The following CD1D variants were observed in gnomAD, a reference collection of about 807,000 sequenced individuals.
CD1D encodes the protein CD1d molecule, also known as antigen-presenting glycoprotein CD1d.
A neutral mutation model predicts 42.1 loss-of-function variants in CD1D; 40 were observed. The ratio of observed to expected loss-of-function variants is 0.95; its 90% CI spans 0.74 to 1.24. The LOEUF (loss-of-function observed/expected upper bound fraction) is 1.24, where lower values mean the gene tolerates loss of function less well. Ranked by LOEUF, CD1D falls within the 50% of genes most tolerant of loss-of-function variation. The probability of loss-of-function intolerance (pLI) is 0.00; values close to 1 mark genes in which losing one functional copy is unlikely to be tolerated. For missense variants in CD1D, 437 were observed against 416.5 expected, an observed-to-expected ratio of 1.05 and a Z score of -0.43; for synonymous variants, 178 against 171.8, an observed-to-expected ratio of 1.04 and a Z score of -0.28.
chr1:158,181,987 A>G (rs753238788), intron 2 of CD1D, 45 bp from the exon 3 acceptor site: 10 of 1,540,648 alleles, frequency 6.5e-6, no homozygotes, highest in African/African-American at 2.8e-5. Flanking sequence ...CATCTCTCCC[A>G]GTCTTTTAAA....
At chr1:158,183,795 T>G (rs1648572212) in intron 4 of CD1D, 141 bp from the exon 5 acceptor site, 1 of 717,336 alleles carries the variant, frequency 1.4e-6, no homozygotes, top group Non-Finnish European at 2.5e-6. Context: ...AATCTAAACT[T>G]ATGAGGAATA....
chr1:158,184,108 T>A, intron 5 of CD1D, 21 bp from the exon 6 acceptor site: 1 of 1,614,134 alleles, frequency 6.2e-7, no homozygotes, highest in South Asian at 1.1e-5. Context: ...TAATGGTCTT[T>A]CCCTTTCTAT....
rs756936889 is a variant in CD1D, at chr1:158,182,002, T to G, written c.329-30T>G. ...CATCTCTCCCAGTCTTTTAAACCCT[T>G]CTTTGATCTTTCTCCATTCCTCTCC... On this transcript the variant is annotated intron_variant, in intron 2 of 5. Coordinates refer to ENST00000674085, the MANE Select transcript of CD1D (RefSeq NM_001371762.2). The G allele has an allele frequency of 5.8e-6, 9 of 1,562,918 alleles. No individual in the cohort carries two copies. The African/African-American group carries it at 9.6e-5, about 17-fold the overall frequency.
In CD1D at chr1:158,183,996, T is replaced by A. The variant is rs1648586791; in HGVS notation, c.947T>A (p.Leu316His). 1 of 1,614,072 alleles carries A rather than the reference T, an allele frequency of 6.2e-7. No individual in the cohort carries two copies. Among genetic ancestry groups the A allele is most frequent in the Non-Finnish European group, 8.5e-7 (1 of 1,180,030 alleles). Residue 316 changes from leucine to histidine, a missense_variant, in exon 5 of 6, where the codon CTC (leucine) becomes CAC (histidine). By Grantham distance (99) the Leu-to-His change is moderately conservative. Transcript: ENST00000674085. ...ALAVLACLLF[L>H]LIVGFTSRFK... ...GCAGTCCTGGCGTGCTTGCTGTTCCTCCTCATTGTGGGCTTTACCTCCCGG... is the reference window on the plus strand; with the variant it reads ...GCAGTCCTGGCGTGCTTGCTGTTCCACCTCATTGTGGGCTTTACCTCCCGG...
rs1353496711 is a variant in CD1D at position 158,181,065 on chromosome 1, C to G, written c.-37C>G. 4 of 1,521,462 alleles carry G rather than the reference C, an allele frequency of 2.6e-6. No homozygotes were observed. The East Asian group carries it at 9.8e-5, about 37-fold the overall frequency. 94.2% of individuals were successfully genotyped at this position (1,521,462 alleles called of 1,614,324 possible). A position where few individuals can be genotyped will look rare whatever the true frequency, so the allele number is the denominator to read the frequency against. On this transcript the variant is annotated 5_prime_UTR_variant, in exon 1 of 6. Coordinates refer to ENST00000674085, the MANE Select transcript of CD1D (RefSeq NM_001371762.2). ...AGAGTGCGCAGGTCAGAGGGCGGCGCGCAGCGGCGCTCCGCGAGGTCCCCA... is the reference window on the plus strand; with the variant it reads ...AGAGTGCGCAGGTCAGAGGGCGGCGGGCAGCGGCGCTCCGCGAGGTCCCCA...
At chr1:158,181,759 G>A in intron 2 of CD1D, 38 bp downstream of exon 2, 1 of 1,598,098 alleles carries the variant, frequency 6.3e-7, no homozygotes, top group Non-Finnish European at 8.5e-7. Flanking sequence ...GGTACCCAAG[G>A]GGAGAGAATG....
In CD1D at chr1:158,185,915, A is replaced by G. The variant is rs1648686389; in HGVS notation, c.*1765A>G. 6.6e-6 allele frequency among the ~76,000 whole-genome samples: 1 copy of G among 152,206 alleles called. No homozygotes were observed. The highest frequency in any genetic ancestry group is 1.5e-5 in the Non-Finnish European group (1 of 68,042). ...AACCACTGTTCTTAGACATTGTGCA[A>G]TGTTATACAACAACTTCCTCAAAGT... On this transcript the variant is annotated 3_prime_UTR_variant, in exon 6 of 6. Transcript: ENST00000674085.
Position 158,181,471 on chromosome 1 carries a change from C to T in CD1D, c.78C>T (p.Phe26=), listed in dbSNP as rs762862302. The part of the protein sequence containing the change: ...WGSAEVPQRL[F]PLRCLQISSF... ...CTCTCCCAGTCCCGCAAAGGCTTTT[C>T]CCCCTCCGCTGCCTCCAGATCTCGT... is the stretch of plus-strand genomic sequence containing the variant. Residue 26 remains phenylalanine (F), a synonymous_variant, in exon 2 of 6, where the codon TTC becomes TTT. Coordinates refer to ENST00000674085, the MANE Select transcript of CD1D (RefSeq NM_001371762.2). 4 of 1,613,952 alleles carry T rather than the reference C, an allele frequency of 2.5e-6. No homozygotes were observed. The highest frequency in any genetic ancestry group is 1.1e-5 in the South Asian group (1 of 91,080).
intron 4 of CD1D, 61 bp from the exon 5 acceptor site, chr1:158,183,875 G>C: frequency 7.7e-7 from 1 of 1,297,958 alleles, no homozygotes; most frequent in Non-Finnish European, 1.1e-6. Flanking sequence ...TAGACCAGGG[G>C]ATTGGATATA....
rs1648663531 is a variant in CD1D at position 158,185,424 on chromosome 1, TATGCC to T, written c.*1275_*1279del. On this transcript the variant is annotated 3_prime_UTR_variant, in exon 6 of 6. Transcript: ENST00000674085. ...TTCAACATATCCCAAAGCACTTGGA[TATGCC>T]TATAATCCAAGTGCTTTGGGAGGCT... 6.6e-6 allele frequency among the ~76,000 whole-genome samples: 1 copy of T among 152,180 alleles called. No homozygotes were observed. The highest frequency in any genetic ancestry group is 1.5e-5 in the Non-Finnish European group (1 of 68,012).
Position 158,183,341 on chromosome 1 carries a change from CT to C in CD1D, c.886+186del, listed in dbSNP as rs112327238. Among the ~76,000 whole-genome samples the C allele has an allele frequency of 4.8e-3, 734 of 152,200 alleles. 6 individuals carry two copies. The highest frequency in any genetic ancestry group is 0.017 in the African/African-American group (691 of 41,520). ...AGGAGGGAAATAAAGACCTGAAAGT[CT>C]AAAAGGATTGAAATAGTGCTCTCTA... On this transcript the variant is annotated intron_variant, in intron 4 of 5. Transcript: ENST00000674085.
chr1:158,180,859 C>T, upstream of CD1D: 1 of 427,744 alleles, frequency 2.3e-6, no homozygotes, highest in Admixed American at 3.8e-5. Context: ...CTGAAGTGAG[C>T]GGCGGCGCCA....
At position 158,181,437 on chromosome 1, in the gene CD1D, A is replaced by G. The variant is rs780287826; in HGVS notation, c.62-18A>G. ...CCCGGCCACTTGCTACACGCCTCCA[A>G]TCTTCATTCTCTCCCAGTCCCGCAA... On this transcript the variant is annotated intron_variant, in intron 1 of 5. Coordinates refer to ENST00000674085, the MANE Select transcript of CD1D (RefSeq NM_001371762.2). 11 of 1,611,590 alleles carry G rather than the reference A, an allele frequency of 6.8e-6. No homozygotes were observed. Among genetic ancestry groups the G allele is most frequent in the Non-Finnish European group, 6.8e-6 (8 of 1,178,274 alleles).
At chr1:158,183,874 G>T (rs1001672659) in intron 4 of CD1D, 62 bp from the exon 5 acceptor site, 2 of 1,284,862 alleles carry the variant, frequency 1.6e-6, no homozygotes, top group African/African-American at 2.9e-5. Flanking sequence ...CTAGACCAGG[G>T]GATTGGATAT....
At chr1:158,181,235 G>A in intron 1 of CD1D, 73 bp downstream of exon 1, 1 of 1,509,148 alleles carries the variant, frequency 6.6e-7, no homozygotes, top group Non-Finnish European at 9.0e-7. Flanking sequence ...GACGGGGAGG[G>A]CAACGCCTGA....
At position 158,180,958 on chromosome 1, in the gene CD1D, A is replaced by T; in HGVS notation, c.-144A>T. On this transcript the variant is annotated 5_prime_UTR_variant, in exon 1 of 6. Transcript: ENST00000674085. ...GAAGCAGCAAACCGCCGGCAAGCCC[A>T]GCGAGGAGGGCTGCCGGGGTCTGGG... is the stretch of plus-strand genomic sequence containing the variant. 1.5e-6 allele frequency: 1 copy of T among 686,044 alleles called. No homozygotes were observed. The highest frequency in any genetic ancestry group is 3.0e-5 in the East Asian group (1 of 33,238). 42.5% of individuals were successfully genotyped at this position (686,044 alleles called of 1,614,324 possible). A position where few individuals can be genotyped will look rare whatever the true frequency, so the allele number is the denominator to read the frequency against.
In CD1D at chr1:158,184,269, C is replaced by G. The variant is rs1023447385; in HGVS notation, c.*119C>G. 9.8e-7 allele frequency: 1 copy of G among 1,022,418 alleles called. No homozygotes were observed. Among genetic ancestry groups the G allele is most frequent in the African/African-American group, 1.6e-5 (1 of 62,302 alleles). 63.3% of individuals were successfully genotyped at this position (1,022,418 alleles called of 1,614,324 possible). On this transcript the variant is annotated 3_prime_UTR_variant, in exon 6 of 6. Transcript: ENST00000674085. ...TAAGGAATTGAAGATAGGAGAGATACCTTGAAAAAGTAGAGAACAGTCATG... is the reference window on the plus strand; with the variant it reads ...TAAGGAATTGAAGATAGGAGAGATAGCTTGAAAAAGTAGAGAACAGTCATG...
chr1:158,183,567 A>T (rs1027512467), intron 4 of CD1D, among the ~76,000 whole-genome samples: 1 of 152,210 alleles, frequency 6.6e-6, no homozygotes, highest in Non-Finnish European at 1.5e-5. Flanking sequence ...CATCATTCAC[A>T]GTTTTCTTTG....
At chr1:158,182,817 C>T (rs546780612) in intron 3 of CD1D, 61 bp from the exon 4 acceptor site, 5 of 1,528,304 alleles carry the variant, frequency 3.3e-6, no homozygotes, top group Non-Finnish European at 4.4e-6. Flanking sequence ...GATATGAGGC[C>T]TGGAGCCTCT....
Sources: gnomAD v4.1 joint callset for allele counts (sites outside exome capture counted in the v4.1 genomes callset) on GRCh38, gnomAD v4.1.1 for gene constraint, MANE v1.5 for transcripts, NCBI Gene and HGNC (gene_info 2026-07-23, HGNC 2026-07-21) for gene names.